The following KALRN variants were observed in gnomAD, a reference collection of about 807,000 sequenced individuals.
The protein encoded by KALRN is kalirin RhoGEF kinase, also known as kalirin.
Under a neutral mutation model 353.7 loss-of-function variants are expected in KALRN, and 70 were observed. The observed-to-expected ratio is 0.20, with a 90% CI of 0.16 to 0.24. The LOEUF (loss-of-function observed/expected upper bound fraction) is 0.24. Ranked by LOEUF, KALRN falls within the 10% of genes least tolerant of loss-of-function variation. KALRN has a pLI of 1.00. For missense variants in KALRN, 2,791 were observed against 3,756.7 expected, an observed-to-expected ratio of 0.74 and a Z score of 6.72; for synonymous variants, 1,391 against 1,434.8, an observed-to-expected ratio of 0.97 and a Z score of 0.69.
chr3:124,537,570 A>T (rs887513108), intron 33 of KALRN, among the ~76,000 whole-genome samples: 1 of 152,202 alleles, frequency 6.6e-6, no homozygotes, highest in Non-Finnish European at 1.5e-5. Flanking sequence ...GGCCTCGAGG[A>T]TGGAAAAGGA....
chr3:124,608,424 C>T (rs1389660430), intron 34 of KALRN, among the ~76,000 whole-genome samples: 1 of 152,186 alleles, frequency 6.6e-6, no homozygotes, highest in Non-Finnish European at 1.5e-5. Flanking sequence ...AGTCCTCGCT[C>T]TGTCTCCTCA....
chr3:124,558,509 C>G (rs1267446063), intron 33 of KALRN, among the ~76,000 whole-genome samples: 5 of 152,216 alleles, frequency 3.3e-5, no homozygotes, highest in Admixed American at 3.3e-4. Flanking sequence ...GAACTCCTGA[C>G]CTCAAGTGAT....
At chr3:124,296,259 C>T (rs192328789) in intron 5 of KALRN, among the ~76,000 whole-genome samples, 18 of 152,284 alleles carry the variant, frequency 1.2e-4, no homozygotes, top group Admixed American at 1.0e-3. Flanking sequence ...ACATCTAAAA[C>T]GGAACATACA....
chr3:124,478,346 T>G (rs1203687843), intron 27 of KALRN, among the ~76,000 whole-genome samples: 1 of 152,154 alleles, frequency 6.6e-6, no homozygotes, highest in African/African-American at 2.4e-5. Flanking sequence ...CTAGGCCCCG[T>G]GGAGAATATA....
At chr3:124,283,812 TC>T (rs869181271) in intron 5 of KALRN, among the ~76,000 whole-genome samples, 2 of 115,474 alleles carry the variant, frequency 1.7e-5, no homozygotes, top group African/African-American at 2.7e-5. Flanking sequence ...CTGCAGCTCA[TC>T]TGTCAAGAAC....
At chr3:124,216,486 A>G (rs191829611) in intron 1 of KALRN, among the ~76,000 whole-genome samples, 29 of 152,326 alleles carry the variant, frequency 1.9e-4, no homozygotes, top group Admixed American at 1.4e-3. Context: ...CAGATATGCA[A>G]TGGTTTGTGT....
intron 1 of KALRN, among the ~76,000 whole-genome samples, chr3:124,075,381 G>A (rs1382256563): frequency 2.6e-5 from 4 of 152,174 alleles, no homozygotes; most frequent in Non-Finnish European, 1.5e-5. Context: ...CATCAAGGAG[G>A]GCAAGTTGGG....
At chr3:124,693,600 TAGAC>T (rs1578986624) in intron 51 of KALRN, among the ~76,000 whole-genome samples, 200 bp from the exon 52 acceptor site, 1 of 152,148 alleles carries the variant, frequency 6.6e-6, no homozygotes, top group South Asian at 2.1e-4. Flanking sequence ...ACAACTGAAT[TAGAC>T]AGAGTAAACC....
chr3:124,368,115 ACGGGG>A (rs2085202251), intron 10 of KALRN, among the ~76,000 whole-genome samples: 1 of 55,710 alleles, frequency 1.8e-5, no homozygotes, highest in African/African-American at 7.6e-5. Context: ...TCCCTCCCGG[ACGGGG>A]CAGCTGGCCA....
chr3:124,074,975 C>T (rs1481782864), intron 1 of KALRN, among the ~76,000 whole-genome samples: 3 of 152,074 alleles, frequency 2.0e-5, no homozygotes, highest in Non-Finnish European at 4.4e-5. Flanking sequence ...TTTATTAGTT[C>T]GCATTCATAT....
chr3:124,485,708 C>T (rs764965637), intron 28 of KALRN, among the ~76,000 whole-genome samples: 10 of 152,110 alleles, frequency 6.6e-5, no homozygotes, highest in Non-Finnish European at 1.3e-4. Flanking sequence ...GGTGAAACTC[C>T]GTCTCTACTG....
At chr3:124,497,025 G>C (rs2063932047) in intron 33 of KALRN, among the ~76,000 whole-genome samples, 1 of 152,198 alleles carries the variant, frequency 6.6e-6, no homozygotes, top group Non-Finnish European at 1.5e-5. Context: ...TGTTGTGTGA[G>C]AAAGCCTGGC....
chr3:124,436,999 T>C (rs1276528991), intron 17 of KALRN, among the ~76,000 whole-genome samples: 1 of 147,626 alleles, frequency 6.8e-6, no homozygotes, highest in Non-Finnish European at 1.5e-5. Context: ...TGACAGATCT[T>C]CTCATGTGAT....
intron 34 of KALRN, among the ~76,000 whole-genome samples, chr3:124,622,213 C>CCT (rs2079355852): frequency 6.6e-6 from 1 of 152,122 alleles, no homozygotes; most frequent in African/African-American, 2.4e-5. Flanking sequence ...GTCAAAGGAC[C>CCT]CCTCTGTAAA....
intron 29 of KALRN, among the ~76,000 whole-genome samples, 165 bp from the exon 30 acceptor site, chr3:124,490,529 T>C (rs2063041379): frequency 1.3e-5 from 2 of 152,088 alleles, no homozygotes; most frequent in African/African-American, 4.8e-5. Context: ...CTCAGAGATG[T>C]CTATGGAAGT....
intron 1 of KALRN, among the ~76,000 whole-genome samples, chr3:124,159,393 C>G (rs896048886): frequency 6.6e-6 from 1 of 152,146 alleles, no homozygotes; most frequent in Non-Finnish European, 1.5e-5. Flanking sequence ...ACCTCAGCCC[C>G]CCAAGTAGCT....
At chr3:124,062,521 G>T (rs1258456665) in intron 1 of KALRN, among the ~76,000 whole-genome samples, 1 of 152,016 alleles carries the variant, frequency 6.6e-6, no homozygotes, top group Non-Finnish European at 1.5e-5. Context: ...CCACAGCTTA[G>T]CCTTCCTGAA....
At chr3:124,405,224 A>C (rs941145947) in intron 13 of KALRN, among the ~76,000 whole-genome samples, 1 of 152,216 alleles carries the variant, frequency 6.6e-6, no homozygotes, top group Non-Finnish European at 1.5e-5. Context: ...ACACAGCTTT[A>C]GTATTCTGGC....
At chr3:124,413,808 A>T (rs1464584741) in intron 14 of KALRN, 143 bp downstream of exon 14, 3 of 748,606 alleles carry the variant, frequency 4.0e-6, no homozygotes, top group East Asian at 2.8e-5. Context: ...CATTTTTTTT[A>T]AAAGAAAGGA....
Sources: allele counts gnomAD v4.1 joint callset (sites outside exome capture counted in the v4.1 genomes callset), GRCh38; gene constraint gnomAD v4.1.1; transcripts MANE v1.5; gene names NCBI Gene and HGNC (gene_info 2026-07-23, HGNC 2026-07-21).